Variants in CEP290 observed in about 807,000 individuals in gnomAD.
CEP290 encodes centrosomal protein of 290 kDa.
In CEP290, 317 loss-of-function variants were observed where a neutral mutation model predicts 344.9. The ratio of observed to expected loss-of-function variants is 0.92; its 90% CI spans 0.84 to 1.01. The LOEUF (loss-of-function observed/expected upper bound fraction) is 1.01, where lower values mean the gene tolerates loss of function less well. Ranked by LOEUF, CEP290 falls within the 50% of genes least tolerant of loss-of-function variation. The pLI, the probability that CEP290 is intolerant of heterozygous loss-of-function variation, is 0.00. For synonymous variants in CEP290, 932 were observed against 895.8 expected, an observed-to-expected ratio of 1.04 and a Z score of -0.72; for missense variants, 2,754 against 2,761.4, an observed-to-expected ratio of 1.00 and a Z score of 0.06.
intron 18 of CEP290, among the ~76,000 whole-genome samples, chr12:88,116,690 C>T (rs530367365): frequency 6.6e-6 from 1 of 152,120 alleles, no homozygotes; most frequent in South Asian, 2.1e-4. Context: ...AAAATATTTT[C>T]CTGGCCGGGC....
chr12:88,130,658 T>C, intron 7 of CEP290, 93 bp from the exon 8 acceptor site: 1 of 1,219,250 alleles, frequency 8.2e-7, no homozygotes, highest in Non-Finnish European at 1.1e-6. Context: ...ACAAAAAAAT[T>C]TTGGGAAAAT....
chr12:88,090,664 A>G, intron 30 of CEP290, 64 bp downstream of exon 30: 8 of 979,544 alleles, frequency 8.2e-6, no homozygotes, highest in Non-Finnish European at 1.3e-5. Flanking sequence ...TCCCACTCCC[A>G]ACATCTAATG....
rs968207045 is a variant in CEP290, at chr12:88,089,392, T to A, written c.3669A>T (p.Ser1223=). Residue 1223 remains serine (S), a synonymous_variant, in exon 31 of 54, where the codon TCA becomes TCT. Coordinates refer to ENST00000552810, the MANE Select transcript of CEP290 (RefSeq NM_025114.4). The part of the protein sequence containing the change: ...SEATALGKLE[S]ITSKLQKMEA... Reference sequence around the variant, plus strand: ...CCATCTTCTGCAGTTTAGATGTAATTGACTCCAACTTACCAAGAGCAGTAG... The same window carrying A: ...CCATCTTCTGCAGTTTAGATGTAATAGACTCCAACTTACCAAGAGCAGTAG... 6.2e-7 allele frequency: 1 copy of A among 1,613,492 alleles called. No homozygotes were observed. Among genetic ancestry groups the A allele is most frequent in the Admixed American group, 1.7e-5 (1 of 59,986 alleles).
chr12:88,106,630 G>C, intron 25 of CEP290, 45 bp downstream of exon 25: 1 of 1,317,722 alleles, frequency 7.6e-7, no homozygotes, highest in Non-Finnish European at 1.1e-6. Flanking sequence ...CTGCATATTT[G>C]AAATTTTTCA....
intron 32 of CEP290, among the ~76,000 whole-genome samples, chr12:88,087,341 A>G (rs193273866): frequency 3.0e-4 from 45 of 152,322 alleles, no homozygotes; most frequent in Non-Finnish European, 8.8e-5. Flanking sequence ...TTTTTAGAAT[A>G]GTTTAGAAAA....
Position 88,093,856 on chromosome 12 carries a change from G to A in CEP290, c.3223C>T (p.His1075Tyr). The change falls in exon 28 of 54, where the codon CAT becomes TAT. Residue 1075 changes from histidine to tyrosine, a missense_variant. Physicochemically the swap from His to Tyr is moderately conservative, Grantham distance 83 (BLOSUM62 2). Coordinates refer to ENST00000552810, the MANE Select transcript of CEP290 (RefSeq NM_025114.4). Reference sequence around the variant, plus strand: ...AAGTGTTCATACATTTTTTGACAATGTTCAGCCCGCTGCCTTTCATTTAAT... The same window carrying A: ...AAGTGTTCATACATTTTTTGACAATATTCAGCCCGCTGCCTTTCATTTAAT... ...KELNERQRAE[H>Y]CQKMYEHLRT... is the part of the protein sequence containing the mutation. The A allele has an allele frequency of 6.2e-7, 1 of 1,612,724 alleles. No homozygotes were observed.
chr12:88,081,429 G>A (rs1258985754), intron 37 of CEP290, among the ~76,000 whole-genome samples: 1 of 152,038 alleles, frequency 6.6e-6, no homozygotes, highest in Non-Finnish European at 1.5e-5. Context: ...TAATCTTATT[G>A]CTTATTCAGC....
intron 52 of CEP290, among the ~76,000 whole-genome samples, chr12:88,050,703 T>G (rs1165015793): frequency 6.6e-6 from 1 of 152,204 alleles, no homozygotes; most frequent in African/African-American, 2.4e-5. Flanking sequence ...ATAGAAATTT[T>G]ACATGGAAAA....
intron 11 of CEP290, among the ~76,000 whole-genome samples, chr12:88,127,063 C>A (rs1279974687): frequency 2.2e-4 from 1 of 4,548 alleles, no homozygotes; most frequent in South Asian, 0.011. Flanking sequence ...AACAAGTATA[C>A]ACTGCTAGAA....
chr12:88,119,498 T>C (rs544883099), intron 15 of CEP290, among the ~76,000 whole-genome samples: 2 of 152,232 alleles, frequency 1.3e-5, no homozygotes, highest in African/African-American at 4.8e-5. Context: ...TACTTAAAAA[T>C]CTTTAAAAGA....
chr12:88,126,499 T>C (rs1255440199), intron 11 of CEP290, 61 bp from the exon 12 acceptor site: 4 of 1,167,152 alleles, frequency 3.4e-6, no homozygotes, highest in Non-Finnish European at 4.7e-6. Context: ...CATTCTTCAT[T>C]ATCATAAATA....
At chr12:88,082,958 G>A (rs1205221498) in intron 37 of CEP290, 73 bp downstream of exon 37, 28 of 885,238 alleles carry the variant, frequency 3.2e-5, no homozygotes, top group Non-Finnish European at 4.6e-5. Flanking sequence ...GCCTGGCATA[G>A]CAAACACTTA....
rs147714205 is a variant in CEP290, at chr12:88,083,203, C to T, written c.4840G>A (p.Val1614Ile). The change falls in exon 37 of 54, where the codon GTT becomes ATT. Residue 1614 changes from valine to isoleucine, a missense_variant. Physicochemically the swap from Val to Ile is conservative, Grantham distance 29. Transcript: ENST00000552810. ...WDLMKQSPTPVPTNKHFIRLA... is the reference protein window; with the variant it reads ...WDLMKQSPTPIPTNKHFIRLA... ...CGAATAAAATGCTTGTTGGTAGGAACTGGAGTGGGAGACTGTTTCATTAAA... is the reference window on the plus strand; with the variant it reads ...CGAATAAAATGCTTGTTGGTAGGAATTGGAGTGGGAGACTGTTTCATTAAA... 4 of 1,507,004 alleles carry T rather than the reference C, an allele frequency of 2.7e-6. No homozygotes were observed. The highest frequency in any genetic ancestry group is 3.5e-6 in the Non-Finnish European group (4 of 1,132,286). 93.4% of individuals were successfully genotyped at this position (1,507,004 alleles called of 1,614,324 possible).
chr12:88,115,452 C>T (rs759239358), intron 18 of CEP290: 1 of 1,288,766 alleles, frequency 7.8e-7, no homozygotes, highest in South Asian at 1.3e-5. Context: ...ACAATCATCT[C>T]TTTTAATGTT....
chr12:88,111,952 C>A (rs2038722265), intron 20 of CEP290, 94 bp from the exon 21 acceptor site: 2 of 869,100 alleles, frequency 2.3e-6, no homozygotes, highest in Non-Finnish European at 3.3e-6. Context: ...GACATTTAAG[C>A]ATTTTCCTAT....
chr12:88,068,457 T>C, intron 44 of CEP290, 65 bp downstream of exon 44: 1 of 1,119,128 alleles, frequency 8.9e-7, no homozygotes, highest in Non-Finnish European at 1.2e-6. Context: ...AAGAAAGAAG[T>C]TGATTTCACT....
intron 37 of CEP290, 60 bp from the exon 38 acceptor site, chr12:88,080,455 A>G: frequency 4.8e-6 from 6 of 1,241,006 alleles, no homozygotes; most frequent in South Asian, 1.4e-5. Context: ...TTTGAGACCC[A>G]GTCTCACTCT....
In CEP290 at chr12:88,058,983, T is replaced by C; in HGVS notation, c.6683A>G (p.Asn2228Ser). Residue 2228 changes from asparagine to serine, a missense_variant, in exon 49 of 54, where the codon AAT becomes AGT. Physicochemically the swap from Asn to Ser is conservative, Grantham distance 46. Coordinates refer to ENST00000552810, the MANE Select transcript of CEP290 (RefSeq NM_025114.4). The stretch of plus-strand genomic sequence containing the variant: ...CTTCTCATTTAATATCTCTAAATTA[T>C]TCTTTGCTATCCGTAATTTCTCTGC... ...DAAEKLRIAKNNLEILNEKMT... is the reference protein window; with the variant it reads ...DAAEKLRIAKSNLEILNEKMT... 1 of 1,612,546 alleles carries C rather than the reference T, an allele frequency of 6.2e-7. No individual in the cohort carries two copies. The highest frequency in any genetic ancestry group is 8.5e-7 in the Non-Finnish European group (1 of 1,179,418).
intron 5 of CEP290, 139 bp downstream of exon 5, chr12:88,139,006 G>T: frequency 1.8e-6 from 1 of 543,746 alleles, no homozygotes; most frequent in Non-Finnish European, 3.4e-6. Context: ...TAGGCATGTA[G>T]AACATATACA....
Sources: gnomAD v4.1 joint callset for allele counts (sites outside exome capture counted in the v4.1 genomes callset) on GRCh38, gnomAD v4.1.1 for gene constraint, MANE v1.5 for transcripts, NCBI Gene and HGNC (gene_info 2026-07-23, HGNC 2026-07-21) for gene names.